Variants in CHD9 observed in about 807,000 individuals in gnomAD.
The protein encoded by CHD9 is chromodomain helicase DNA binding protein 9, also known as ATP-dependent chromatin remodeler CHD9.
A neutral mutation model predicts 316.1 loss-of-function variants in CHD9; 77 were observed. That is an observed-to-expected ratio of 0.24 (90% CI 0.20 to 0.29). The LOEUF is 0.29. Among genes scored for constraint, CHD9 ranks in the 10% least tolerant of loss-of-function variants. The probability of loss-of-function intolerance (pLI) is 1.00; values close to 1 mark genes in which losing one functional copy is unlikely to be tolerated. For missense variants in CHD9, 2,763 were observed against 3,438.1 expected (o/e 0.80, Z 4.91); for synonymous variants, 1,129 against 1,158.3 (o/e 0.97, Z 0.51).
chr16:53,107,544 G>A (rs767572582), intron 1 of CHD9, among the ~76,000 whole-genome samples: 11 of 150,792 alleles, frequency 7.3e-5, no homozygotes, highest in East Asian at 1.9e-4. Context: ...TTAGCCAGGC[G>A]TGGTGGCACA....
At chr16:53,315,188 A>G in intron 36 of CHD9, 144 bp downstream of exon 36, 1 of 626,186 alleles carries the variant, frequency 1.6e-6, no homozygotes, top group Non-Finnish European at 2.8e-6. Flanking sequence ...AATAATTACC[A>G]TCCTTCCCAT....
chr16:53,132,520 A>C (rs2039401620), intron 1 of CHD9, among the ~76,000 whole-genome samples: 1 of 152,236 alleles, frequency 6.6e-6, no homozygotes, highest in African/African-American at 2.4e-5. Flanking sequence ...GTCTGCAAAC[A>C]CTTGAATATA....
intron 19 of CHD9, among the ~76,000 whole-genome samples, chr16:53,256,385 T>C (rs961472095): frequency 1.4e-5 from 2 of 141,612 alleles, no homozygotes; most frequent in Non-Finnish European, 1.5e-5. Flanking sequence ...TCTTTTCTTT[T>C]TTTTTTTTTT....
At chr16:53,186,642 T>G (rs2044035668) in intron 2 of CHD9, among the ~76,000 whole-genome samples, 3 of 152,174 alleles carry the variant, frequency 2.0e-5, no homozygotes, top group Admixed American at 6.5e-5. Context: ...ACCCAAAATC[T>G]CATCTTGAAT....
intron 1 of CHD9, among the ~76,000 whole-genome samples, chr16:53,155,167 T>A (rs1361545054): frequency 6.6e-6 from 1 of 152,226 alleles, no homozygotes; most frequent in Non-Finnish European, 1.5e-5. Flanking sequence ...CTCAGAAAGA[T>A]CTACCTTGCA....
chr16:53,247,576 A>AAT (rs2049740078), intron 16 of CHD9, 73 bp downstream of exon 16: 1 of 1,009,396 alleles, frequency 9.9e-7, no homozygotes, highest in African/African-American at 1.6e-5. Flanking sequence ...CTGTAATGTA[A>AAT]ATGAACTTTA....
At chr16:53,222,295 C>T (rs1040600797) in intron 3 of CHD9, among the ~76,000 whole-genome samples, 1 of 152,088 alleles carries the variant, frequency 6.6e-6, no homozygotes, top group Admixed American at 6.5e-5. Context: ...AGGCTGGTCT[C>T]GAACTCCTAA....
At chr16:53,087,647 G>A (rs908898098) in intron 1 of CHD9, among the ~76,000 whole-genome samples, 3 of 152,250 alleles carry the variant, frequency 2.0e-5, no homozygotes, top group Admixed American at 6.5e-5. Context: ...GGTAGCAGGT[G>A]ATAGAAAATC....
At chr16:53,275,452 C>G (rs1327127926) in intron 24 of CHD9, among the ~76,000 whole-genome samples, 1 of 152,154 alleles carries the variant, frequency 6.6e-6, no homozygotes, top group Non-Finnish European at 1.5e-5. Flanking sequence ...GTCTTGATCC[C>G]TAAGGAGTTT....
chr16:53,117,888 C>T (rs188665927), intron 1 of CHD9, among the ~76,000 whole-genome samples: 94 of 146,966 alleles, frequency 6.4e-4, no homozygotes, highest in African/African-American at 2.1e-3. Flanking sequence ...TGCAGTGGTG[C>T]GATCTTGGCT....
Position 53,078,536 on chromosome 16 carries a change from T to A in CHD9, c.-165+23459T>A, listed in dbSNP as rs563410527. ...ATTTCTGTTCATTGTAAATTACTAG[T>A]CTGTAGTATTCTGTTATAGCAACAT... On this transcript the variant is annotated intron_variant, in intron 1 of 38. Coordinates refer to ENST00000447540, the MANE Select transcript of CHD9 (RefSeq NM_001308319.2). Among the ~76,000 whole-genome samples, 5 of 152,332 alleles carry A rather than the reference T, an allele frequency of 3.3e-5. No individual in the cohort carries two copies. The East Asian group carries it at 7.7e-4, about 23-fold the overall frequency.
chr16:53,070,919 A>T (rs1263564648), intron 1 of CHD9, among the ~76,000 whole-genome samples: 1 of 152,182 alleles, frequency 6.6e-6, no homozygotes, highest in Non-Finnish European at 1.5e-5. Flanking sequence ...AAGTTTTGAA[A>T]TCAGGATGTG....
rs566007920 is a variant in CHD9, at chr16:53,206,503, G to T, written c.1453-2979G>T. 4.6e-5 allele frequency among the ~76,000 whole-genome samples: 7 copies of T among 152,274 alleles called. No homozygotes were observed. The South Asian group carries it at 1.5e-3, about 32-fold the overall frequency. On this transcript the variant is annotated intron_variant, in intron 2 of 38. Coordinates refer to ENST00000447540, the MANE Select transcript of CHD9 (RefSeq NM_001308319.2). ...TGATTAAAATATAATGGTTAAGAGT[G>T]TGGTCTCCCTAACAAGACCCCCTTG...
At chr16:53,098,634 C>T (rs1210467060) in intron 1 of CHD9, among the ~76,000 whole-genome samples, 1 of 152,106 alleles carries the variant, frequency 6.6e-6, no homozygotes, top group Non-Finnish European at 1.5e-5. Flanking sequence ...ATGAGCAGGC[C>T]ACCTCAAGTG....
intron 2 of CHD9, among the ~76,000 whole-genome samples, chr16:53,202,077 G>A (rs1454736123): frequency 6.6e-6 from 1 of 151,834 alleles, no homozygotes; most frequent in East Asian, 1.9e-4. Flanking sequence ...GCCCAGGCTG[G>A]CCTTGGACTC....
intron 1 of CHD9, among the ~76,000 whole-genome samples, chr16:53,129,207 A>T (rs2039104920): frequency 6.6e-6 from 1 of 152,208 alleles, no homozygotes; most frequent in Admixed American, 6.5e-5. Context: ...CTATCAGATG[A>T]TGGGGAGGCC....
At chr16:53,323,138 A>G (rs967570256) in intron 38 of CHD9, among the ~76,000 whole-genome samples, 1 of 152,206 alleles carries the variant, frequency 6.6e-6, no homozygotes, top group Non-Finnish European at 1.5e-5. Flanking sequence ...TTAAGTGTAA[A>G]ATACACAGTG....
chr16:53,226,233 A>C, intron 4 of CHD9, 133 bp from the exon 5 acceptor site: 2 of 540,306 alleles, frequency 3.7e-6, no homozygotes, highest in Non-Finnish European at 6.1e-6. Flanking sequence ...TAAAAACAAA[A>C]TAGGAAAAGA....
chr16:53,142,961 C>G (rs2040239056), intron 1 of CHD9, among the ~76,000 whole-genome samples: 2 of 152,234 alleles, frequency 1.3e-5, no homozygotes, highest in East Asian at 3.9e-4. Context: ...CTGCATCATC[C>G]TGTAGTAGAA....
Sources: gnomAD v4.1 joint callset for allele counts (sites outside exome capture counted in the v4.1 genomes callset) on GRCh38, gnomAD v4.1.1 for gene constraint, MANE v1.5 for transcripts, NCBI Gene and HGNC (gene_info 2026-07-23, HGNC 2026-07-21) for gene names.